The following PEX3 variants were observed in gnomAD, a reference collection of about 807,000 sequenced individuals.
PEX3 encodes peroxisomal biogenesis factor 3, also known as peroxin-3.
A neutral mutation model predicts 55.8 loss-of-function variants in PEX3; 30 were observed. The ratio of observed to expected loss-of-function variants is 0.54; its 90% CI spans 0.40 to 0.73. The LOEUF is 0.73. PEX3 is among the 30% of genes least tolerant of loss of function. The pLI is 0.00. For synonymous variants in PEX3, 135 were observed against 148.4 expected (o/e 0.91, Z 0.66); for missense variants, 351 against 432.8 (o/e 0.81, Z 1.68).
Position 143,485,962 on chromosome 6 carries a change from T to C in PEX3, c.1038+714T>C, listed in dbSNP as rs2128748098. ...TAATGTACAATGAGAAGAGACCCTA[T>C]GGCCTAAGCATAAAGCTGACATCTT... On this transcript the variant is annotated intron_variant, in intron 11 of 11. Coordinates refer to ENST00000367591, the MANE Select transcript of PEX3 (RefSeq NM_003630.3). This position sits in a 1 kb window ranked among gnomAD's most constrained non-coding sequence, Gnocchi z 5.6. Among the ~76,000 whole-genome samples the C allele has an allele frequency of 6.6e-6, 1 of 152,274 alleles. No homozygotes were observed. Among genetic ancestry groups the C allele is most frequent in the East Asian group, 1.9e-4 (1 of 5,184 alleles).
Position 143,459,170 on chromosome 6 carries a change from A to G in PEX3, c.159A>G (p.Arg53=), listed in dbSNP as rs768899148. The change falls in exon 2 of 12, where the codon CGA becomes CGG. Residue 53 remains arginine (R), a synonymous_variant. Transcript: ENST00000367591. The surrounding 1 kb of genome is among the most constrained non-coding windows in gnomAD (Gnocchi z 4.2). ...REAAEYIAQA[R]RQYHFESNQR... ...CTGCAGAATACATTGCCCAAGCACG[A>G]CGACAATATCATTTTGAAAGTAACC... The G allele has an allele frequency of 2.5e-6, 4 of 1,612,658 alleles. No homozygotes were observed. The highest frequency in any genetic ancestry group is 1.7e-5 in the Admixed American group (1 of 60,016).
In PEX3 at chr6:143,490,215, G is replaced by C. The variant is rs931196852; in HGVS notation, c.*989G>C. Among the ~76,000 whole-genome samples, 2 of 152,120 alleles carry C rather than the reference G, an allele frequency of 1.3e-5. No individual in the cohort carries two copies. Among genetic ancestry groups the C allele is most frequent in the Non-Finnish European group, 2.9e-5 (2 of 68,014 alleles). ...AAAAAGAAATAATTCATTATCTCTA[G>C]TAATACATCTGTAATTCTTCATTTA... On this transcript the variant is annotated 3_prime_UTR_variant, in exon 12 of 12. Coordinates refer to ENST00000367591, the MANE Select transcript of PEX3 (RefSeq NM_003630.3). The surrounding 1 kb of genome is among the most constrained non-coding windows in gnomAD (Gnocchi z 6.0).
In PEX3 at chr6:143,471,394, TC is replaced by T; in HGVS notation, c.473del (p.Pro158GlnfsTer19). On this transcript the variant is annotated frameshift_variant, in exon 6 of 12. Coordinates refer to ENST00000367591, the MANE Select transcript of PEX3 (RefSeq NM_003630.3). LOFTEE classifies it high-confidence loss of function. The surrounding 1 kb of genome is among the most constrained non-coding windows in gnomAD (Gnocchi z 5.4). ...VGKNGTTILA[P>X]PDVQQQYLSS... ...TCTGTTTTATACAGACAATTCTTGC[TC>T]CCCCAGATGTCCAACAGCAGTATTT... is the stretch of plus-strand genomic sequence containing the variant. The T allele has an allele frequency of 6.2e-7, 1 of 1,604,802 alleles. No homozygotes were observed. The highest frequency in any genetic ancestry group is 1.1e-5 in the South Asian group (1 of 90,682).
At chr6:143,484,354 T>G (rs1486396637) in intron 10 of PEX3, among the ~76,000 whole-genome samples, 1 of 152,122 alleles carries the variant, frequency 6.6e-6, no homozygotes, top group African/African-American at 2.4e-5. Context: ...TGGCACTTAT[T>G]TGAATATAGG....
Position 143,479,223 on chromosome 6 carries a change from T to C in PEX3, c.941+25T>C. On this transcript the variant is annotated intron_variant, in intron 10 of 11. Coordinates refer to ENST00000367591, the MANE Select transcript of PEX3 (RefSeq NM_003630.3). This position sits in a 1 kb window ranked among gnomAD's most constrained non-coding sequence, Gnocchi z 4.6. ...GGTAAGATGACATATAAAAATGTTA[T>C]ACTAATGAATGCTCTAAAAAAATGG... is the stretch of plus-strand genomic sequence containing the variant. 6.4e-7 allele frequency: 1 copy of C among 1,554,574 alleles called. No individual in the cohort carries two copies.
At position 143,483,230 on chromosome 6, in the gene PEX3, G is replaced by A. The variant is rs1205888684; in HGVS notation, c.942-1922G>A. Reference sequence around the variant, plus strand: ...TTATTGAACACGTGTTATGAATCAGGCACTGTATTAGGTTTCTGTTCCCAT... The same window carrying A: ...TTATTGAACACGTGTTATGAATCAGACACTGTATTAGGTTTCTGTTCCCAT... On this transcript the variant is annotated intron_variant, in intron 10 of 11. Coordinates refer to ENST00000367591, the MANE Select transcript of PEX3 (RefSeq NM_003630.3). The surrounding 1 kb of genome is among the most constrained non-coding windows in gnomAD (Gnocchi z 4.3). Among the ~76,000 whole-genome samples, 3 of 152,130 alleles carry A rather than the reference G, an allele frequency of 2.0e-5. No individual in the cohort carries two copies. The highest frequency in any genetic ancestry group is 6.6e-5 in the Admixed American group (1 of 15,262).
rs1780153985 is a variant in PEX3, at chr6:143,476,378, T to G, written c.818+1522T>G. On this transcript the variant is annotated intron_variant, in intron 9 of 11. Transcript: ENST00000367591. The surrounding 1 kb of genome is among the most constrained non-coding windows in gnomAD (Gnocchi z 5.4). Reference sequence around the variant, plus strand: ...ATGATAGGAAATTTGTTTTTTATTCTTAATGTATGGGAAGCCATTGGAGAA... The same window carrying G: ...ATGATAGGAAATTTGTTTTTTATTCGTAATGTATGGGAAGCCATTGGAGAA... Among the ~76,000 whole-genome samples, 1 of 152,230 alleles carries G rather than the reference T, an allele frequency of 6.6e-6. No individual in the cohort carries two copies. The highest frequency in any genetic ancestry group is 2.4e-5 in the African/African-American group (1 of 41,458).
At chr6:143,477,368 C>T (rs1378985789) in intron 9 of PEX3, among the ~76,000 whole-genome samples, 1 of 151,998 alleles carries the variant, frequency 6.6e-6, no homozygotes, top group African/African-American at 2.4e-5. Flanking sequence ...TAGAACAGTG[C>T]CTTGCATGTA....
At chr6:143,470,457 C>T (rs1280874213) in intron 4 of PEX3, among the ~76,000 whole-genome samples, 1 of 152,148 alleles carries the variant, frequency 6.6e-6, no homozygotes, top group Non-Finnish European at 1.5e-5. Context: ...GCAGTCAACA[C>T]CTTCACTCTC....
rs1780276482 is a variant in PEX3 at position 143,483,794 on chromosome 6, G to A, written c.942-1358G>A. On this transcript the variant is annotated intron_variant, in intron 10 of 11. Coordinates refer to ENST00000367591, the MANE Select transcript of PEX3 (RefSeq NM_003630.3). This position sits in a 1 kb window ranked among gnomAD's most constrained non-coding sequence, Gnocchi z 4.3. ...AACAAGTATGTATTGGATGTCCACTGTACACAAGACCTTTTACTATGTGCT... is the reference window on the plus strand; with the variant it reads ...AACAAGTATGTATTGGATGTCCACTATACACAAGACCTTTTACTATGTGCT... 6.6e-6 allele frequency among the ~76,000 whole-genome samples: 1 copy of A among 152,106 alleles called. No homozygotes were observed. Among genetic ancestry groups the A allele is most frequent in the South Asian group, 2.1e-4 (1 of 4,826 alleles).
At position 143,471,353 on chromosome 6, in the gene PEX3, A is replaced by G. The variant is rs1275407917; in HGVS notation, c.457-30A>G. ...TCTTATTTACCAGTTTAAAACTTGG[A>G]TAATTGAACTGTATTTCTGTTTTAT... On this transcript the variant is annotated intron_variant, in intron 5 of 11. Coordinates refer to ENST00000367591, the MANE Select transcript of PEX3 (RefSeq NM_003630.3). This position sits in a 1 kb window ranked among gnomAD's most constrained non-coding sequence, Gnocchi z 5.4. 1 of 1,483,436 alleles carries G rather than the reference A, an allele frequency of 6.7e-7. No individual in the cohort carries two copies. Among genetic ancestry groups the G allele is most frequent in the East Asian group, 2.3e-5 (1 of 44,072 alleles). The allele number at this position is 1,483,436 out of a possible 1,614,324, so 91.9% of individuals were successfully genotyped here.
Position 143,466,431 on chromosome 6 carries a change from T to G in PEX3, c.288-1691T>G, listed in dbSNP as rs1468778032. 1.3e-5 allele frequency among the ~76,000 whole-genome samples: 2 copies of G among 152,070 alleles called. No homozygotes were observed. The highest frequency in any genetic ancestry group is 1.3e-4 in the Admixed American group (2 of 15,266). ...TGCTTTGTTTTTAAGGAACCTTTATTTTACTTAATAATGGCCCCAAAGTGC... is the reference window on the plus strand; with the variant it reads ...TGCTTTGTTTTTAAGGAACCTTTATGTTACTTAATAATGGCCCCAAAGTGC... On this transcript the variant is annotated intron_variant, in intron 3 of 11. Transcript: ENST00000367591. This position sits in a 1 kb window ranked among gnomAD's most constrained non-coding sequence, Gnocchi z 5.4.
chr6:143,488,364 A>G lies in PEX3; in HGVS notation c.1039-779A>G, dbSNP rs1236842781. Among the ~76,000 whole-genome samples the G allele has an allele frequency of 6.6e-6, 1 of 152,162 alleles. No individual in the cohort carries two copies. The highest frequency in any genetic ancestry group is 2.4e-5 in the African/African-American group (1 of 41,454). On this transcript the variant is annotated intron_variant, in intron 11 of 11. Coordinates refer to ENST00000367591, the MANE Select transcript of PEX3 (RefSeq NM_003630.3). The surrounding 1 kb of genome is among the most constrained non-coding windows in gnomAD (Gnocchi z 4.9). ...TACAATAAAATACATAATATTATAA[A>G]GGAAACCAATCATATATAGTTTTCA...
intron 2 of PEX3, among the ~76,000 whole-genome samples, chr6:143,461,507 C>G (rs779764352): frequency 6.6e-6 from 1 of 151,550 alleles, no homozygotes; most frequent in African/African-American, 2.4e-5. Flanking sequence ...CAATTCATAA[C>G]ATGAGCAATG....
At position 143,476,940 on chromosome 6, in the gene PEX3, C is replaced by CT. The variant is rs1051853092; in HGVS notation, c.818+2085dup. ...TCGGGGGAAGAGCCAGCAAAGGAGA[C>CT]TGAGTAGGAGCTGCCAGCGAAAGAA... On this transcript the variant is annotated intron_variant, in intron 9 of 11. Transcript: ENST00000367591. This position sits in a 1 kb window ranked among gnomAD's most constrained non-coding sequence, Gnocchi z 5.4. Among the ~76,000 whole-genome samples, 1 of 152,080 alleles carries CT rather than the reference C, an allele frequency of 6.6e-6. No individual in the cohort carries two copies. The highest frequency in any genetic ancestry group is 1.5e-5 in the Non-Finnish European group (1 of 68,006).
rs1000070434 is a variant in PEX3 at position 143,487,887 on chromosome 6, T to C, written c.1039-1256T>C. The stretch of plus-strand genomic sequence containing the variant: ...CTTAAAGCCAATAAGAACATAAATA[T>C]AAACAAATGCCCTAAAATCAGGAAC... On this transcript the variant is annotated intron_variant, in intron 11 of 11. Coordinates refer to ENST00000367591, the MANE Select transcript of PEX3 (RefSeq NM_003630.3). The surrounding 1 kb of genome is among the most constrained non-coding windows in gnomAD (Gnocchi z 5.3). Among the ~76,000 whole-genome samples, 6 of 152,150 alleles carry C rather than the reference T, an allele frequency of 3.9e-5. No homozygotes were observed. Among genetic ancestry groups the C allele is most frequent in the Admixed American group, 2.6e-4 (4 of 15,258 alleles).
chr6:143,473,785 T>C (rs1780108947), intron 8 of PEX3, among the ~76,000 whole-genome samples: 1 of 151,874 alleles, frequency 6.6e-6, no homozygotes, highest in African/African-American at 2.4e-5. Flanking sequence ...GGAGGAAGGA[T>C]TTTTTAAGCT....
rs765268758 is a variant in PEX3, at chr6:143,471,037, T to G, written c.408T>G (p.Ile136Met). 1 of 1,612,978 alleles carries G rather than the reference T, an allele frequency of 6.2e-7. No individual in the cohort carries two copies. The highest frequency in any genetic ancestry group is 8.5e-7 in the Non-Finnish European group (1 of 1,179,042). Residue 136 changes from isoleucine (I) to methionine (M), a missense_variant, in exon 5 of 12, where the codon ATT becomes ATG. By Grantham distance (10) the Ile-to-Met change is conservative. Coordinates refer to ENST00000367591, the MANE Select transcript of PEX3 (RefSeq NM_003630.3). The surrounding 1 kb of genome is among the most constrained non-coding windows in gnomAD (Gnocchi z 5.4). ...VVLLRVQLNI[I>M]GGYIYLDNAA... Reference sequence around the variant, plus strand: ...TTTTGCGGGTCCAGTTAAACATAATTGGTGGATATATTTACCTGGATAATG... The same window carrying G: ...TTTTGCGGGTCCAGTTAAACATAATGGGTGGATATATTTACCTGGATAATG...
chr6:143,460,172 A>G (rs950745688), intron 2 of PEX3, among the ~76,000 whole-genome samples: 2 of 152,346 alleles, frequency 1.3e-5, no homozygotes, highest in South Asian at 4.1e-4. Context: ...TTTTAGAGTT[A>G]AAGGCCTTTA....
Sources: gnomAD v4.1 joint callset for allele counts (sites outside exome capture counted in the v4.1 genomes callset) on GRCh38, gnomAD v4.1.1 for gene constraint, Gnocchi (gnomAD v3.1) non-coding constraint, MANE v1.5 for transcripts, NCBI Gene and HGNC (gene_info 2026-07-23, HGNC 2026-07-21) for gene names.